CDH12: variants seen among roughly 807,000 people sequenced by gnomAD.
CDH12 encodes the protein cadherin-12.
A neutral mutation model predicts 74.1 loss-of-function variants in CDH12; 41 were observed. That is an observed-to-expected ratio of 0.55 (90% CI 0.43 to 0.72). CDH12 has a LOEUF of 0.72. Among genes scored for constraint, CDH12 ranks in the 30% least tolerant of loss-of-function variants. The pLI is 0.00. For synonymous variants in CDH12, 399 were observed against 355.0 expected, an observed-to-expected ratio of 1.12 and a Z score of -1.39; for missense variants, 945 against 977.2, an observed-to-expected ratio of 0.97 and a Z score of 0.44.
chr5:22,219,221 A>C (rs781067257), intron 3 of CDH12, among the ~76,000 whole-genome samples: 1 of 151,754 alleles, frequency 6.6e-6, no homozygotes, highest in Non-Finnish European at 1.5e-5. Flanking sequence ...GGGCTTTCTC[A>C]ACCTCTAAAT....
At chr5:22,050,375 A>C (rs1395321522) in intron 5 of CDH12, among the ~76,000 whole-genome samples, 2 of 152,136 alleles carry the variant, frequency 1.3e-5, no homozygotes, top group African/African-American at 4.8e-5. Flanking sequence ...TCATGCATAT[A>C]TAATTTCAAA....
At chr5:22,647,534 T>C (rs544361470) in intron 1 of CDH12, among the ~76,000 whole-genome samples, 19 of 151,860 alleles carry the variant, frequency 1.3e-4, no homozygotes, top group African/African-American at 3.9e-4. Flanking sequence ...TTATAGGTGA[T>C]TTCCTTCTCG....
intron 1 of CDH12, among the ~76,000 whole-genome samples, chr5:22,533,956 T>A (rs1391094248): frequency 2.0e-5 from 3 of 152,194 alleles, no homozygotes; most frequent in Admixed American, 2.0e-4. Flanking sequence ...TAGAGCTAAG[T>A]AGTATCTTAT....
chr5:22,841,427 C>T (rs989987508), intron 1 of CDH12, among the ~76,000 whole-genome samples: 4 of 151,924 alleles, frequency 2.6e-5, no homozygotes, highest in Admixed American at 6.6e-5. Flanking sequence ...TCATTTTGGA[C>T]GTGTGAATTT....
Position 21,975,368 on chromosome 5 carries a change from G to A in CDH12, c.249C>T (p.Asp83=), listed in dbSNP as rs769266547. ...TGTATTTCACAGTGCCCTCTCCCTT[G>A]TCTAAGTCGGAATGGAGCTTTAGGG... ...QYVGKLHSDL[D]KGEGTVKYTL... Residue 83 remains aspartate, a synonymous_variant, in exon 6 of 15, where the codon GAC becomes GAT. Transcript: ENST00000382254. 3 of 1,593,042 alleles carry A rather than the reference G, an allele frequency of 1.9e-6. No individual in the cohort carries two copies. The highest frequency in any genetic ancestry group is 2.5e-6 in the Non-Finnish European group (3 of 1,178,122).
rs542168912 is a variant in CDH12, at chr5:22,344,523, G to A, written c.-333+60734C>T. Among the ~76,000 whole-genome samples the A allele has an allele frequency of 2.6e-5, 4 of 152,136 alleles. No homozygotes were observed. The East Asian group carries it at 7.7e-4, about 29-fold the overall frequency. ...GTATTTTGGGATTTGAAAGAAGCAT[G>A]AGACTCATATTTCACCTGTGGCAAC... On this transcript the variant is annotated intron_variant, in intron 3 of 14. Coordinates refer to ENST00000382254, the MANE Select transcript of CDH12 (RefSeq NM_004061.5).
chr5:22,227,856 A>T (rs951901154), intron 3 of CDH12, among the ~76,000 whole-genome samples: 1 of 152,108 alleles, frequency 6.6e-6, no homozygotes. Context: ...ATGTGGCGAC[A>T]TGGCACACTT....
intron 1 of CDH12, among the ~76,000 whole-genome samples, chr5:22,674,049 G>GAT (rs2126918432): frequency 6.6e-6 from 1 of 152,282 alleles, no homozygotes; most frequent in South Asian, 2.1e-4. Flanking sequence ...AATTCTGTGT[G>GAT]CTTATAAGAT....
At chr5:22,565,778 G>A (rs1739254958) in intron 1 of CDH12, among the ~76,000 whole-genome samples, 1 of 152,120 alleles carries the variant, frequency 6.6e-6, no homozygotes, top group Non-Finnish European at 1.5e-5. Flanking sequence ...AGAGTTTGCT[G>A]TGATCTGTAG....
intron 2 of CDH12, among the ~76,000 whole-genome samples, chr5:22,468,520 C>A (rs1405313734): frequency 6.6e-6 from 1 of 152,088 alleles, no homozygotes; most frequent in Non-Finnish European, 1.5e-5. Flanking sequence ...ATAGTTACAA[C>A]TAATAAATGA....
chr5:21,892,539 G>T (rs1752943741), intron 6 of CDH12, among the ~76,000 whole-genome samples: 1 of 152,040 alleles, frequency 6.6e-6, no homozygotes, highest in African/African-American at 2.4e-5. Flanking sequence ...TTTTCTTCTA[G>T]TCTAATTTTA....
intron 5 of CDH12, among the ~76,000 whole-genome samples, chr5:21,977,622 A>T (rs1757126255): frequency 6.6e-6 from 1 of 152,158 alleles, no homozygotes; most frequent in Non-Finnish European, 1.5e-5. Flanking sequence ...TTTAGCTAAA[A>T]TCATAACTGT....
intron 3 of CDH12, among the ~76,000 whole-genome samples, chr5:22,267,240 A>G (rs898957622): frequency 1.3e-5 from 2 of 152,204 alleles, no homozygotes; most frequent in Admixed American, 1.3e-4. Context: ...TTCTTGGAGA[A>G]TCTACTTGAA....
At chr5:22,784,572 G>A (rs890501367) in intron 1 of CDH12, among the ~76,000 whole-genome samples, 1 of 151,964 alleles carries the variant, frequency 6.6e-6, no homozygotes, top group East Asian at 1.9e-4. Context: ...TACTAAAATT[G>A]TTCTAGTTAA....
In CDH12 at chr5:22,086,812, ATC is replaced by A. The variant is rs200896762; in HGVS notation, c.-186-7952_-186-7951del. Among the ~76,000 whole-genome samples, 877 of 152,298 alleles carry A rather than the reference ATC, an allele frequency of 5.8e-3. 8 individuals are homozygous for A. Among genetic ancestry groups the A allele is most frequent in the African/African-American group, 0.02 (837 of 41,566 alleles). ...CCAGTACTTTATGGCAAGAGACAGA[ATC>A]TCTCTCTTTAAGGAGAAAAGAAATC... is the stretch of plus-strand genomic sequence containing the variant. On this transcript the variant is annotated intron_variant, in intron 4 of 14. Coordinates refer to ENST00000382254, the MANE Select transcript of CDH12 (RefSeq NM_004061.5).
At chr5:22,182,172 T>C (rs1190071705) in intron 4 of CDH12, among the ~76,000 whole-genome samples, 2 of 152,106 alleles carry the variant, frequency 1.3e-5, no homozygotes, top group African/African-American at 4.8e-5. Flanking sequence ...TACTGATCTT[T>C]CATTTCTTAA....
intron 6 of CDH12, among the ~76,000 whole-genome samples, chr5:21,945,427 CAAAAAAAAAAAAAA>C (rs1167475672): frequency 0.043 from 671 of 15,546 alleles, 11 homozygotes; most frequent in African/African-American, 0.15. Context: ...CTGTTTCAGA[CAAAAAAAAAAAAAA>C]AAAAAAAAAA....
At chr5:22,478,974 T>A (rs1364385513) in intron 2 of CDH12, among the ~76,000 whole-genome samples, 1 of 152,198 alleles carries the variant, frequency 6.6e-6, no homozygotes, top group Non-Finnish European at 1.5e-5. Context: ...TATTAATATT[T>A]CAAAGTGTTC....
intron 4 of CDH12, among the ~76,000 whole-genome samples, chr5:22,197,648 G>A (rs1750699132): frequency 6.6e-6 from 1 of 151,952 alleles, no homozygotes; most frequent in Admixed American, 6.6e-5. Context: ...TATTGGTAAG[G>A]ACTCCTTATT....
Sources: gnomAD v4.1 joint callset for allele counts (sites outside exome capture counted in the v4.1 genomes callset) on GRCh38, gnomAD v4.1.1 for gene constraint, MANE v1.5 for transcripts, NCBI Gene and HGNC (gene_info 2026-07-23, HGNC 2026-07-21) for gene names.